Variants in IQGAP1 observed in about 807,000 individuals in gnomAD.
IQGAP1 encodes IQ motif containing GTPase activating protein 1.
A neutral mutation model predicts 215.6 loss-of-function variants in IQGAP1; 66 were observed. The observed-to-expected ratio is 0.31, with a 90% CI of 0.25 to 0.38. IQGAP1 has a LOEUF of 0.38. Among genes scored for constraint, IQGAP1 ranks in the 10% least tolerant of loss-of-function variants. The probability of loss-of-function intolerance (pLI) is 1.00; values close to 1 mark genes in which losing one functional copy is unlikely to be tolerated. For synonymous variants in IQGAP1, 772 were observed against 728.7 expected (o/e 1.06, Z -0.96); for missense variants, 1,712 against 1,997.1 (o/e 0.86, Z 2.72).
At chr15:90,433,329 A>T (rs773666555) in intron 4 of IQGAP1, among the ~76,000 whole-genome samples, 1 of 152,192 alleles carries the variant, frequency 6.6e-6, no homozygotes, top group Admixed American at 6.5e-5. Context: ...GTAGATAGTA[A>T]CTAGGAGCAT....
chr15:90,404,143 T>TTAGC (rs1446282219), intron 2 of IQGAP1, among the ~76,000 whole-genome samples: 1 of 152,228 alleles, frequency 6.6e-6, no homozygotes, highest in Non-Finnish European at 1.5e-5. Context: ...CATGTATGAG[T>TTAGC]ATTCTTGCAG....
chr15:90,475,335 G>A (rs1345716564), intron 23 of IQGAP1, among the ~76,000 whole-genome samples: 1 of 151,692 alleles, frequency 6.6e-6, no homozygotes, highest in Non-Finnish European at 1.5e-5. Flanking sequence ...GTTTCACCAT[G>A]TTGGCCAGGC....
intron 26 of IQGAP1, 88 bp downstream of exon 26, chr15:90,477,977 G>A: frequency 2.4e-6 from 2 of 833,352 alleles, no homozygotes; most frequent in Non-Finnish European, 1.9e-6. Flanking sequence ...ACTAATATTA[G>A]TTCAAATAGT....
At chr15:90,415,299 TG>T (rs1268130634) in intron 2 of IQGAP1, among the ~76,000 whole-genome samples, 59 of 152,254 alleles carry the variant, frequency 3.9e-4, no homozygotes, top group Non-Finnish European at 1.3e-4. Flanking sequence ...GTGTTTAAAA[TG>T]TATATACATG....
intron 15 of IQGAP1, among the ~76,000 whole-genome samples, chr15:90,465,515 G>C (rs1481684807): frequency 6.6e-6 from 1 of 151,994 alleles, no homozygotes; most frequent in Non-Finnish European, 1.5e-5. Flanking sequence ...ACCTTTACCA[G>C]TTTGTTTGTT....
At chr15:90,427,192 G>A (rs763111167) in intron 3 of IQGAP1, among the ~76,000 whole-genome samples, 2 of 152,048 alleles carry the variant, frequency 1.3e-5, no homozygotes, top group Admixed American at 6.6e-5. Context: ...AGCCTAGGAG[G>A]TTGAGGCTGT....
rs1491563385 is a variant in IQGAP1, at chr15:90,445,150, TTA to T, written c.913+1673_913+1674del. 2.7e-3 allele frequency among the ~76,000 whole-genome samples: 415 copies of T among 152,046 alleles called. 1 individual carries two copies. Among genetic ancestry groups the T allele is most frequent in the Non-Finnish European group, 4.3e-3 (290 of 67,968 alleles). On this transcript the variant is annotated intron_variant, in intron 9 of 37. Transcript: ENST00000268182. ...AAATTAATTAATTAATTTTTTTTTT[TTA>T]AAAAAGAATCTGGCTCTGAAGTGGT...
chr15:90,461,997 A>AG (rs1227231524), intron 15 of IQGAP1, among the ~76,000 whole-genome samples: 238 of 11,810 alleles, frequency 0.02, 3 homozygotes, highest in African/African-American at 0.12. Flanking sequence ...AAAAAAAAAA[A>AG]AAGAAAAAAA....
intron 1 of IQGAP1, 126 bp downstream of exon 1, chr15:90,388,522 G>A: frequency 7.1e-6 from 6 of 839,942 alleles, no homozygotes; most frequent in Non-Finnish European, 1.0e-5. Flanking sequence ...ACCCGGAAGA[G>A]CCGTCCCGGT....
At chr15:90,462,933 C>G (rs139489997) in intron 15 of IQGAP1, among the ~76,000 whole-genome samples, 36 of 152,314 alleles carry the variant, frequency 2.4e-4, no homozygotes, top group African/African-American at 8.4e-4. Context: ...TAACACTCTG[C>G]TCAGTCATTT....
intron 3 of IQGAP1, 56 bp from the exon 4 acceptor site, chr15:90,429,529 TTTTA>T: frequency 4.6e-6 from 6 of 1,298,720 alleles, no homozygotes; most frequent in Non-Finnish European, 6.4e-6. Flanking sequence ...CGAAGAGAGT[TTTTA>T]TTTAATATTT....
intron 2 of IQGAP1, among the ~76,000 whole-genome samples, chr15:90,424,111 C>T (rs1965187086): frequency 6.6e-6 from 1 of 151,564 alleles, no homozygotes; most frequent in African/African-American, 2.4e-5. Flanking sequence ...TTAATGAGAA[C>T]CCAAGTTAGA....
rs1383352896 is a variant in IQGAP1, at chr15:90,403,886, G to C, written c.155+13013G>C. On this transcript the variant is annotated intron_variant, in intron 2 of 37. Coordinates refer to ENST00000268182, the MANE Select transcript of IQGAP1 (RefSeq NM_003870.4). Reference sequence around the variant, plus strand: ...GACAGGGTTTCACCATGTTGGCCAGGCTGGTCTTGAACTCCTGACCTTAGG... The same window carrying C: ...GACAGGGTTTCACCATGTTGGCCAGCCTGGTCTTGAACTCCTGACCTTAGG... Among the ~76,000 whole-genome samples, 3 of 152,150 alleles carry C rather than the reference G, an allele frequency of 2.0e-5. No homozygotes were observed. In the East Asian group the frequency reaches 5.8e-4, roughly 29 times the overall value.
chr15:90,472,150 C>T (rs1317761934), intron 18 of IQGAP1, among the ~76,000 whole-genome samples: 3 of 152,220 alleles, frequency 2.0e-5, no homozygotes, highest in Non-Finnish European at 4.4e-5. Context: ...TGGTGGTACA[C>T]TTGTAGCCCC....
chr15:90,466,832 C>T (rs1965839634), intron 17 of IQGAP1, among the ~76,000 whole-genome samples: 1 of 152,212 alleles, frequency 6.6e-6, no homozygotes, highest in Non-Finnish European at 1.5e-5. Context: ...TGGCACACGC[C>T]TGTAATCCCA....
At chr15:90,443,545 T>G in intron 9 of IQGAP1, 67 bp downstream of exon 9, 8 of 912,720 alleles carry the variant, frequency 8.8e-6, no homozygotes, top group Non-Finnish European at 1.4e-5. Flanking sequence ...TGATCTATTC[T>G]GGGACTTACA....
intron 23 of IQGAP1, among the ~76,000 whole-genome samples, chr15:90,476,107 A>T (rs1206912634): frequency 6.6e-6 from 1 of 151,896 alleles, no homozygotes; most frequent in Non-Finnish European, 1.5e-5. Context: ...GGCAAATTAT[A>T]TTTTTATAAG....
intron 3 of IQGAP1, among the ~76,000 whole-genome samples, chr15:90,427,854 C>G (rs182995469): frequency 6.6e-6 from 1 of 152,098 alleles, no homozygotes; most frequent in African/African-American, 2.4e-5. Flanking sequence ...ATTGCATTAC[C>G]AAGACCAAAT....
At chr15:90,461,032 C>T (rs1238894065) in intron 15 of IQGAP1, among the ~76,000 whole-genome samples, 71 of 141,422 alleles carry the variant, frequency 5.0e-4, no homozygotes, top group African/African-American at 1.7e-3. Flanking sequence ...AAGGGCTGGG[C>T]GCAGTGCCTC....
Sources: allele counts gnomAD v4.1 joint callset (sites outside exome capture counted in the v4.1 genomes callset), GRCh38; gene constraint gnomAD v4.1.1; transcripts MANE v1.5; gene names NCBI Gene and HGNC (gene_info 2026-07-23, HGNC 2026-07-21).